PRKCB: variants seen among roughly 807,000 people sequenced by gnomAD.
The protein encoded by PRKCB is protein kinase C beta type.
In PRKCB, 13 loss-of-function variants were observed where a neutral mutation model predicts 81.5. The observed-to-expected ratio is 0.16, with a 90% CI of 0.10 to 0.25. The LOEUF (loss-of-function observed/expected upper bound fraction) is 0.25. Among genes scored for constraint, PRKCB ranks in the 10% least tolerant of loss-of-function variants. PRKCB has a pLI of 1.00. For synonymous variants in PRKCB, 335 were observed against 321.4 expected (o/e 1.04, Z -0.45); for missense variants, 509 against 875.7 (o/e 0.58, Z 5.29).
chr16:23,839,962 A>G (rs1962237763), intron 2 of PRKCB, among the ~76,000 whole-genome samples: 2 of 152,178 alleles, frequency 1.3e-5, no homozygotes, highest in Non-Finnish European at 2.9e-5. Flanking sequence ...CCTGCCAGGT[A>G]AGAGTCAAAA....
intron 15 of PRKCB, among the ~76,000 whole-genome samples, chr16:24,189,065 C>T (rs931744520): frequency 2.0e-5 from 3 of 152,168 alleles, no homozygotes; most frequent in Admixed American, 6.5e-5. Flanking sequence ...GGCTCAATTT[C>T]CTCACCCTCC....
In PRKCB at chr16:24,154,340, C is replaced by T. The variant is rs76935845; in HGVS notation, c.1066-344C>T. Among the ~76,000 whole-genome samples, 506 of 152,140 alleles carry T rather than the reference C, an allele frequency of 3.3e-3. 7 individuals are homozygous for T. Among genetic ancestry groups the T allele is most frequent in the East Asian group, 3.3e-3 (17 of 5,174 alleles). On this transcript the variant is annotated intron_variant, in intron 9 of 16. Coordinates refer to ENST00000643927, the MANE Select transcript of PRKCB (RefSeq NM_002738.7). ...AAAAATAAAAAATAAAAAAATTAGCCGGACATGGTGGCACTTACCTGTAGC... is the reference window on the plus strand; with the variant it reads ...AAAAATAAAAAATAAAAAAATTAGCTGGACATGGTGGCACTTACCTGTAGC...
chr16:24,135,843 C>A (rs1567387690), intron 9 of PRKCB, among the ~76,000 whole-genome samples: 1 of 152,158 alleles, frequency 6.6e-6, no homozygotes, highest in Non-Finnish European at 1.5e-5. Flanking sequence ...CAGACAAAAG[C>A]ACTTCCCTGT....
At chr16:23,919,066 C>G (rs1490338954) in intron 2 of PRKCB, among the ~76,000 whole-genome samples, 1 of 152,130 alleles carries the variant, frequency 6.6e-6, no homozygotes, top group East Asian at 1.9e-4. Flanking sequence ...TCTAAGGTGA[C>G]TATTTCAAAG....
rs139755497 is a variant in PRKCB at position 23,848,347 on chromosome 16, A to T, written c.205+10941A>T. 5.3e-4 allele frequency among the ~76,000 whole-genome samples: 80 copies of T among 152,352 alleles called. No homozygotes were observed. In the Middle Eastern group the frequency reaches 0.017, roughly 32 times the overall value. Reference sequence around the variant, plus strand: ...TTCTAGGCCTGCAGTGATGGAAGTCAGGCAGGAGAAACTGAAATGGCCATT... The same window carrying T: ...TTCTAGGCCTGCAGTGATGGAAGTCTGGCAGGAGAAACTGAAATGGCCATT... On this transcript the variant is annotated intron_variant, in intron 2 of 16. Transcript: ENST00000643927.
intron 7 of PRKCB, among the ~76,000 whole-genome samples, chr16:24,109,007 C>G (rs56250174): frequency 9.4e-6 from 1 of 106,600 alleles, no homozygotes; most frequent in African/African-American, 5.0e-5. Flanking sequence ...CCCTCCCGGA[C>G]GGGGCGGCTG....
chr16:24,154,971 A>C, intron 10 of PRKCB, 114 bp downstream of exon 10: 3 of 1,250,600 alleles, frequency 2.4e-6, no homozygotes, highest in Non-Finnish European at 3.3e-6. Flanking sequence ...CTTTCTAGAC[A>C]CAGAAAGATG....
rs932288716 is a variant in PRKCB, at chr16:23,921,034, A to G, written c.206-67474A>G. Among the ~76,000 whole-genome samples, 5 of 152,182 alleles carry G rather than the reference A, an allele frequency of 3.3e-5. 1 individual carries two copies. The highest frequency in any genetic ancestry group is 1.3e-4 in the Admixed American group (2 of 15,274). On this transcript the variant is annotated intron_variant, in intron 2 of 16. Coordinates refer to ENST00000643927, the MANE Select transcript of PRKCB (RefSeq NM_002738.7). ...AGCATGTGCAGGGGAACTCCCATTT[A>G]TGAAACCGTCAGATCACCTGAGATT...
intron 2 of PRKCB, among the ~76,000 whole-genome samples, chr16:23,880,018 T>C (rs1963080997): frequency 6.6e-6 from 1 of 152,176 alleles, no homozygotes; most frequent in African/African-American, 2.4e-5. Context: ...ATGTTTATAG[T>C]GTTTAGGAAA....
At chr16:23,972,964 A>G (rs1366079791) in intron 2 of PRKCB, among the ~76,000 whole-genome samples, 3 of 152,226 alleles carry the variant, frequency 2.0e-5, no homozygotes, top group Non-Finnish European at 4.4e-5. Flanking sequence ...TATGGTGTTA[A>G]GGTTTAGTTT....
At chr16:24,006,879 G>A (rs4491508) in intron 3 of PRKCB, among the ~76,000 whole-genome samples, 9,318 of 152,196 alleles carry the variant, frequency 0.061, 949 homozygotes, top group African/African-American at 0.21. Flanking sequence ...GCGCCAATTG[G>A]AACAACGTGT....
intron 2 of PRKCB, among the ~76,000 whole-genome samples, chr16:23,933,842 A>G (rs1964016834): frequency 9.6e-6 from 1 of 103,758 alleles, no homozygotes; most frequent in African/African-American, 5.1e-5. Context: ...TCGATTTTCT[A>G]TTCATCCATC....
chr16:24,017,855 A>G (rs1458589774), intron 3 of PRKCB, among the ~76,000 whole-genome samples: 1 of 149,918 alleles, frequency 6.7e-6, no homozygotes, highest in Non-Finnish European at 1.5e-5. Flanking sequence ...TCATCCCCAC[A>G]AGTAGCTGGG....
chr16:24,158,970 T>C (rs1031859314), intron 10 of PRKCB, among the ~76,000 whole-genome samples: 7 of 152,072 alleles, frequency 4.6e-5, no homozygotes, highest in Non-Finnish European at 7.4e-5. Context: ...CTGAAGTCTT[T>C]TGAGTGTGGA....
chr16:24,039,359 G>A (rs1965668976), intron 5 of PRKCB, among the ~76,000 whole-genome samples: 1 of 152,136 alleles, frequency 6.6e-6, no homozygotes, highest in African/African-American at 2.4e-5. Context: ...CTCCCGAGTG[G>A]CTAGGATTAC....
At chr16:24,147,196 T>C (rs2141948268) in intron 9 of PRKCB, among the ~76,000 whole-genome samples, 2 of 150,576 alleles carry the variant, frequency 1.3e-5, no homozygotes, top group Non-Finnish European at 2.9e-5. Context: ...TAGTCCCAGC[T>C]ACTCGGGAGG....
At chr16:24,031,998 C>A (rs1008022485) in intron 3 of PRKCB, 138 bp from the exon 4 acceptor site, 7 of 586,654 alleles carry the variant, frequency 1.2e-5, no homozygotes, top group African/African-American at 1.1e-4. Context: ...AGGGCTCCAG[C>A]GATGGTCCCA....
chr16:23,928,492 C>T (rs1963927588), intron 2 of PRKCB, among the ~76,000 whole-genome samples: 2 of 152,100 alleles, frequency 1.3e-5, no homozygotes, highest in Non-Finnish European at 2.9e-5. Flanking sequence ...CGGGGACCCT[C>T]TGATGAATGG....
At chr16:24,197,452 G>A (rs1181554212) in intron 16 of PRKCB, among the ~76,000 whole-genome samples, 1 of 152,134 alleles carries the variant, frequency 6.6e-6, no homozygotes, top group Non-Finnish European at 1.5e-5. Flanking sequence ...CATGGTCAAG[G>A]GAGAGCAAGG....
Sources: gnomAD v4.1 joint callset for allele counts (sites outside exome capture counted in the v4.1 genomes callset) on GRCh38, gnomAD v4.1.1 for gene constraint, MANE v1.5 for transcripts, NCBI Gene and HGNC (gene_info 2026-07-23, HGNC 2026-07-21) for gene names.